The following GSE1 variants were observed in gnomAD, a reference collection of about 807,000 sequenced individuals.
The protein encoded by GSE1 is Gse1 coiled-coil protein.
GSE1 carries 32 observed loss-of-function variants against 112.6 expected under a neutral mutation model. The ratio of observed to expected loss-of-function variants is 0.28; its 90% CI spans 0.21 to 0.38. The LOEUF (loss-of-function observed/expected upper bound fraction) is 0.38. Ranked by LOEUF, GSE1 falls within the 10% of genes least tolerant of loss-of-function variation. GSE1 has a pLI of 1.00. For synonymous variants in GSE1, 1,115 were observed against 735.6 expected (o/e 1.52, Z -8.35); for missense variants, 2,348 against 1,699.2 (o/e 1.38, Z -6.71).
rs1173663338 is a variant in GSE1, at chr16:85,419,161, C to T, written c.2464+61518C>T. Among the ~76,000 whole-genome samples the T allele has an allele frequency of 1.3e-5, 2 of 152,130 alleles. No homozygotes were observed. Among genetic ancestry groups the T allele is most frequent in the African/African-American group, 2.4e-5 (1 of 41,416 alleles). On this transcript the variant is annotated intron_variant, in intron 2 of 2. Transcript: ENST00000637419. This position sits in a 1 kb window ranked among gnomAD's most constrained non-coding sequence, Gnocchi z 6.5. ...GTGAGTGACGTGATGGGAGCCCAGG[C>T]ACCGAGCCTGGGGATTCTGACAGTC...
chr16:85,329,318 C>G (rs1340231239), intron 1 of GSE1, among the ~76,000 whole-genome samples: 1 of 152,158 alleles, frequency 6.6e-6, no homozygotes, highest in Non-Finnish European at 1.5e-5. Flanking sequence ...TTCGGAGCAC[C>G]CGTGTGCTGT....
intron 1 of GSE1, among the ~76,000 whole-genome samples, chr16:85,346,761 T>G (rs2151551173): frequency 6.8e-6 from 1 of 147,054 alleles, no homozygotes; most frequent in East Asian, 2.1e-4. Context: ...GGTGGGCAGG[T>G]GGGTGGACGG....
At chr16:85,340,486 A>C (rs563280116) in intron 1 of GSE1, among the ~76,000 whole-genome samples, 2 of 152,200 alleles carry the variant, frequency 1.3e-5, no homozygotes, top group Non-Finnish European at 2.9e-5. Context: ...CTAAAAATAC[A>C]AAAAATTAGC....
Position 85,663,364 on chromosome 16 carries a change from T to G in GSE1, c.2394T>G (p.Leu798=). ...TCTAGAAGCTAGAGTTTTTGCAACTTTTTGGCTTGACCACCCAACAGCAGA... is the reference window on the plus strand; with the variant it reads ...TCTAGAAGCTAGAGTTTTTGCAACTGTTTGGCTTGACCACCCAACAGCAGA... ...TSSEKLEFLQ[L]FGLTTQQQKE... The change falls in exon 11 of 16, where the codon CTT becomes CTG. Residue 798 remains leucine (L), a synonymous_variant. Transcript: ENST00000253458. 6.2e-7 allele frequency: 1 copy of G among 1,613,736 alleles called. No homozygotes were observed. Among genetic ancestry groups the G allele is most frequent in the Non-Finnish European group, 8.5e-7 (1 of 1,179,976 alleles).
chr16:85,638,944 T>G (rs2050223855), intron 2 of GSE1, among the ~76,000 whole-genome samples: 1 of 152,078 alleles, frequency 6.6e-6, no homozygotes, highest in Admixed American at 6.5e-5. Context: ...CAGGGCCAAG[T>G]GGCTGCCTGT....
In GSE1 at chr16:85,254,288, G is replaced by C. The variant is rs569237520; in HGVS notation, c.2283+82481G>C. ...AAGCAGGAACAGGTGGTGGGACCCA[G>C]CTTTTCTCCCACAGAGCCCTGCCTG... On this transcript the variant is annotated intron_variant, in intron 1 of 2. Coordinates refer to the GSE1 transcript ENST00000637419. Among the ~76,000 whole-genome samples the C allele has an allele frequency of 2.6e-5, 4 of 152,332 alleles. No homozygotes were observed. In the South Asian group the frequency reaches 8.3e-4, roughly 32 times the overall value.
chr16:85,479,742 C>T (rs1235520908), intron 2 of GSE1, among the ~76,000 whole-genome samples: 1 of 152,278 alleles, frequency 6.6e-6, no homozygotes, highest in African/African-American at 2.4e-5. Context: ...TGGGGACGTC[C>T]CATTGCCGTG....
intron 1 of GSE1, among the ~76,000 whole-genome samples, chr16:85,249,414 G>C (rs1371254397): frequency 1.3e-5 from 2 of 152,250 alleles, no homozygotes; most frequent in East Asian, 1.9e-4. Flanking sequence ...CTGTGGGCCT[G>C]TGCAGGCAGC....
intron 1 of GSE1, among the ~76,000 whole-genome samples, chr16:85,353,081 G>T (rs2046882220): frequency 6.6e-6 from 1 of 152,256 alleles, no homozygotes; most frequent in African/African-American, 2.4e-5. Context: ...GTTCAACTGG[G>T]CCCTCTGCTC....
intron 1 of GSE1, among the ~76,000 whole-genome samples, chr16:85,185,657 G>C (rs1232268756): frequency 6.6e-6 from 1 of 152,238 alleles, no homozygotes; most frequent in Non-Finnish European, 1.5e-5. Flanking sequence ...AATTTCTCTG[G>C]ATAGCAGGAG....
intron 15 of GSE1, 78 bp from the exon 16 acceptor site, chr16:85,672,327 T>G: frequency 1.9e-6 from 2 of 1,056,698 alleles, no homozygotes; most frequent in South Asian, 1.4e-5. Flanking sequence ...TACCCTTCCA[T>G]CCAGCATGTT....
At chr16:85,520,455 G>A (rs1337118810) in intron 2 of GSE1, among the ~76,000 whole-genome samples, 1 of 151,198 alleles carries the variant, frequency 6.6e-6, no homozygotes, top group East Asian at 1.9e-4. Context: ...TTTTGAGAAG[G>A]AGTGTCACTC....
rs1464811653 is a variant in GSE1 at position 85,673,541 on chromosome 16, T to C, written c.*1002T>C. ...TGCTGCTGGTCAGGACATTAAAATA[T>C]TGAAGTGTTTTTAAAAATTAAAGAA... On this transcript the variant is annotated 3_prime_UTR_variant, in exon 16 of 16. Coordinates refer to ENST00000253458, the MANE Select transcript of GSE1 (RefSeq NM_014615.5). 2 of 151,382 alleles carry C rather than the reference T, an allele frequency of 1.3e-5. No individual in the cohort carries two copies. The highest frequency in any genetic ancestry group is 2.4e-5 in the African/African-American group (1 of 40,906). 9.4% of individuals were successfully genotyped at this position (151,382 alleles called of 1,614,324 possible). A position where few individuals can be genotyped will look rare whatever the true frequency, so the allele number is the denominator to read the frequency against.
chr16:85,514,563 G>C (rs776568715), intron 2 of GSE1, among the ~76,000 whole-genome samples: 2 of 152,116 alleles, frequency 1.3e-5, no homozygotes, highest in Non-Finnish European at 2.9e-5. Context: ...AGCTTGGCAC[G>C]GCCTCCGGGA....
chr16:85,244,629 C>A (rs1256518097), intron 1 of GSE1, among the ~76,000 whole-genome samples: 4 of 152,090 alleles, frequency 2.6e-5, no homozygotes. Flanking sequence ...GCAGGAGGAT[C>A]GCTTGAGCCC....
At chr16:85,170,529 A>G (rs892923072) in exon 1 of GSE1, 2 of 985,666 alleles carry the variant, frequency 2.0e-6, no homozygotes, top group African/African-American at 3.5e-5. Context: ...ACCACAAGGA[A>G]CAGCCTTTCC....
chr16:85,628,520 G>A (rs937189613), intron 1 of GSE1, among the ~76,000 whole-genome samples: 2 of 152,158 alleles, frequency 1.3e-5, no homozygotes, highest in African/African-American at 2.4e-5. Context: ...ATTGGAGGGA[G>A]CAGGCAGAGG....
chr16:85,509,718 G>A (rs929303151), intron 2 of GSE1, among the ~76,000 whole-genome samples: 5 of 152,242 alleles, frequency 3.3e-5, no homozygotes, highest in African/African-American at 1.2e-4. Context: ...TGCTGTTCAC[G>A]GCACACCTCG....
intron 2 of GSE1, among the ~76,000 whole-genome samples, chr16:85,436,511 G>A (rs1456132540): frequency 1.3e-5 from 2 of 152,222 alleles, no homozygotes; most frequent in Non-Finnish European, 2.9e-5. Context: ...TGCAGGAGGT[G>A]GAATTTGTTT....
Sources: gnomAD v4.1 joint callset for allele counts (sites outside exome capture counted in the v4.1 genomes callset) on GRCh38, gnomAD v4.1.1 for gene constraint, Gnocchi (gnomAD v3.1) non-coding constraint, MANE v1.5 for transcripts, NCBI Gene and HGNC (gene_info 2026-07-23, HGNC 2026-07-21) for gene names.